The following LTBP2 variants were observed in gnomAD, a reference collection of about 807,000 sequenced individuals.
The protein encoded by LTBP2 is latent-transforming growth factor beta-binding protein 2.
A neutral mutation model predicts 210.6 loss-of-function variants in LTBP2; 103 were observed. That is an observed-to-expected ratio of 0.49 (90% CI 0.42 to 0.58). The LOEUF is 0.58. Among genes scored for constraint, LTBP2 ranks in the 20% least tolerant of loss-of-function variants. LTBP2 has a pLI of 0.00. For synonymous variants in LTBP2, 1,007 were observed against 1,015.0 expected (o/e 0.99, Z 0.15); for missense variants, 2,313 against 2,494.5 (o/e 0.93, Z 1.55).
intron 34 of LTBP2, 21 bp downstream of exon 34, chr14:74,502,632 C>T (rs1418730256): frequency 1.6e-5 from 26 of 1,614,084 alleles, no homozygotes; most frequent in Non-Finnish European, 2.1e-5. Context: ...ACCTCTTCCC[C>T]AGTTTTGCAG....
intron 3 of LTBP2, among the ~76,000 whole-genome samples, chr14:74,578,677 G>A (rs2088094106): frequency 6.6e-6 from 1 of 152,124 alleles, no homozygotes; most frequent in Non-Finnish European, 1.5e-5. Flanking sequence ...CTAGGTTCAC[G>A]ATATCATCAG....
rs1191261590 is a variant in LTBP2 at position 74,500,497 on chromosome 14, C to G, written c.*387G>C. 4.7e-6 allele frequency: 2 copies of G among 428,502 alleles called. No homozygotes were observed. The highest frequency in any genetic ancestry group is 8.8e-6 in the Non-Finnish European group (2 of 227,602). The allele number at this position is 428,502 out of a possible 1,614,324, so 26.5% of individuals were successfully genotyped here. A position where few individuals can be genotyped will look rare whatever the true frequency, so the allele number is the denominator to read the frequency against. ...GTAGCCTCTGTCCCAGTTGTGGGAT[C>G]GTCAGGATGATGGTGGATTGTGGCT... On this transcript the variant is annotated 3_prime_UTR_variant, in exon 36 of 36. Transcript: ENST00000261978.
intron 6 of LTBP2, among the ~76,000 whole-genome samples, chr14:74,551,803 A>G (rs2087661076): frequency 6.6e-6 from 1 of 152,164 alleles, no homozygotes; most frequent in Admixed American, 6.5e-5. Flanking sequence ...CCCCTAAAGC[A>G]TTCTGTATTT....
At chr14:74,563,264 C>T (rs78458962) in intron 3 of LTBP2, among the ~76,000 whole-genome samples, 4 of 152,182 alleles carry the variant, frequency 2.6e-5, no homozygotes, top group Admixed American at 6.5e-5. Flanking sequence ...GCATTTCCCC[C>T]GCAAAATCAC....
chr14:74,513,717 C>T lies in LTBP2; in HGVS notation c.2909-2353G>A, dbSNP rs550522712. Among the ~76,000 whole-genome samples the T allele has an allele frequency of 6.6e-5, 10 of 152,198 alleles. 1 individual carries two copies. The South Asian group carries it at 8.3e-4, about 13-fold the overall frequency. ...ACTCGGGAGGCTGAGGCAGGAGAAT[C>T]GCTTGAACCCGGTGGGGGAGGAGGT... On this transcript the variant is annotated intron_variant, in intron 18 of 35. Transcript: ENST00000261978.
chr14:74,587,239 C>T (rs1187542635), intron 2 of LTBP2, among the ~76,000 whole-genome samples: 1 of 152,126 alleles, frequency 6.6e-6, no homozygotes, highest in African/African-American at 2.4e-5. Context: ...ATCCATCTGT[C>T]GCTCATTCAT....
At chr14:74,567,265 C>T (rs2087916511) in intron 3 of LTBP2, among the ~76,000 whole-genome samples, 1 of 152,230 alleles carries the variant, frequency 6.6e-6, no homozygotes, top group Admixed American at 6.5e-5. Flanking sequence ...CTCCACCCTC[C>T]AGCCCCCTCA....
In LTBP2 at chr14:74,499,647, C is replaced by T; in HGVS notation, c.*1237G>A. On this transcript the variant is annotated 3_prime_UTR_variant, in exon 36 of 36. Transcript: ENST00000261978. ...ATTTCCCATTGGAACCCATCATAGG[C>T]TATCAGCAGAGCTGGCCAGGGAGTA... The T allele has an allele frequency of 8.8e-6, 2 of 226,866 alleles. No individual in the cohort carries two copies. The highest frequency in any genetic ancestry group is 5.7e-5 in the Admixed American group (1 of 17,542). The allele number at this position is 226,866 out of a possible 1,614,324, so 14.1% of individuals were successfully genotyped here. A position where few individuals can be genotyped will look rare whatever the true frequency, so the allele number is the denominator to read the frequency against.
At chr14:74,514,728 G>C (rs1157575161) in intron 18 of LTBP2, among the ~76,000 whole-genome samples, 1 of 152,162 alleles carries the variant, frequency 6.6e-6, no homozygotes, top group African/African-American at 2.4e-5. Context: ...ACGGGCCTCT[G>C]TCCAGACCAC....
At chr14:74,570,721 C>T (rs2087964470) in intron 3 of LTBP2, among the ~76,000 whole-genome samples, 1 of 152,122 alleles carries the variant, frequency 6.6e-6, no homozygotes, top group Non-Finnish European at 1.5e-5. Flanking sequence ...GCACAGGGAG[C>T]CTGCTAACTT....
intron 3 of LTBP2, among the ~76,000 whole-genome samples, chr14:74,558,491 C>T (rs2087755959): frequency 6.6e-6 from 1 of 152,252 alleles, no homozygotes; most frequent in South Asian, 2.1e-4. Context: ...TCACTGGGAG[C>T]CTCGTCCTGG....
chr14:74,581,951 C>A (rs1163576793), intron 3 of LTBP2, among the ~76,000 whole-genome samples: 1 of 152,048 alleles, frequency 6.6e-6, no homozygotes, highest in Admixed American at 6.5e-5. Flanking sequence ...AGCCACCCCA[C>A]TCAGGGCTCA....
chr14:74,565,439 T>C (rs116483878), intron 3 of LTBP2, among the ~76,000 whole-genome samples: 1,994 of 152,284 alleles, frequency 0.013, 46 homozygotes, highest in African/African-American at 0.046. Context: ...GGCTGTGGTC[T>C]AGGCTATCAG....
chr14:74,499,955 T>C lies in LTBP2; in HGVS notation c.*929A>G, dbSNP rs1175589944. 10 of 230,624 alleles carry C rather than the reference T, an allele frequency of 4.3e-5. No homozygotes were observed. The highest frequency in any genetic ancestry group is 8.6e-5 in the Non-Finnish European group (10 of 116,508). The allele number at this position is 230,624 out of a possible 1,614,324, so 14.3% of individuals were successfully genotyped here. ...CAAGACCACACTGGAAAATAGACTTTTTACTTTTAGCACATCAAACTGGTT... is the reference window on the plus strand; with the variant it reads ...CAAGACCACACTGGAAAATAGACTTCTTACTTTTAGCACATCAAACTGGTT... On this transcript the variant is annotated 3_prime_UTR_variant, in exon 36 of 36. Coordinates refer to ENST00000261978, the MANE Select transcript of LTBP2 (RefSeq NM_000428.3).
chr14:74,505,054 T>C lies in LTBP2; in HGVS notation c.4298A>G (p.Gln1433Arg), dbSNP rs748112057. The part of the protein sequence containing the change: ...CSSVLGRNTT[Q>R]AECCCTQGAS... Reference sequence around the variant, plus strand: ...GCCCTGGGTGCAGCAGCATTCAGCCTGTGTGGTGTTCCGGCCCAGGACACT... The same window carrying C: ...GCCCTGGGTGCAGCAGCATTCAGCCCGTGTGGTGTTCCGGCCCAGGACACT... The change falls in exon 29 of 36, where the codon CAG becomes CGG. Residue 1433 changes from glutamine to arginine, a missense_variant. By Grantham distance (43) the Gln-to-Arg change is conservative. Coordinates refer to ENST00000261978, the MANE Select transcript of LTBP2 (RefSeq NM_000428.3). 2.2e-5 allele frequency: 35 copies of C among 1,614,016 alleles called. No homozygotes were observed. The East Asian group carries it at 7.6e-4, about 35-fold the overall frequency.
chr14:74,508,558 C>T (rs759036486), intron 24 of LTBP2, 46 bp downstream of exon 24: 1 of 1,585,356 alleles, frequency 6.3e-7, no homozygotes, highest in Admixed American at 1.7e-5. Context: ...GCTGTGCTGG[C>T]TTCCCATGCT....
intron 2 of LTBP2, among the ~76,000 whole-genome samples, chr14:74,587,625 G>A (rs1187381576): frequency 1.3e-5 from 2 of 151,936 alleles, no homozygotes; most frequent in Non-Finnish European, 2.9e-5. Flanking sequence ...GTCTGGTGGC[G>A]GAGGAGGTGT....
intron 8 of LTBP2, among the ~76,000 whole-genome samples, chr14:74,540,095 C>A (rs1242547392): frequency 6.6e-6 from 1 of 152,118 alleles, no homozygotes; most frequent in East Asian, 1.9e-4. Flanking sequence ...GGGCCCTCAG[C>A]ACCCCTCCTC....
chr14:74,526,351 T>C (rs1363097269), intron 13 of LTBP2, among the ~76,000 whole-genome samples: 3 of 152,258 alleles, frequency 2.0e-5, no homozygotes, highest in Non-Finnish European at 2.9e-5. Flanking sequence ...AATGATTAAA[T>C]GAGCTGATAT....
Sources: allele counts gnomAD v4.1 joint callset (sites outside exome capture counted in the v4.1 genomes callset), GRCh38; gene constraint gnomAD v4.1.1; transcripts MANE v1.5; gene names NCBI Gene and HGNC (gene_info 2026-07-23, HGNC 2026-07-21).